PTPRD: variants seen among roughly 807,000 people sequenced by gnomAD.
PTPRD encodes the protein receptor-type tyrosine-protein phosphatase delta.
In PTPRD, 34 loss-of-function variants were observed where a neutral mutation model predicts 214.5. That is an observed-to-expected ratio of 0.16 (90% CI 0.12 to 0.21). The LOEUF is 0.21. Ranked by LOEUF, PTPRD falls within the 10% of genes least tolerant of loss-of-function variation. The pLI, the probability that PTPRD is intolerant of heterozygous loss-of-function variation, is 1.00. For synonymous variants in PTPRD, 1,128 were observed against 845.7 expected (o/e 1.33, Z -5.79); for missense variants, 2,545 against 2,398.7 (o/e 1.06, Z -1.27).
intron 7 of PTPRD, among the ~76,000 whole-genome samples, chr9:9,592,665 A>AT (rs888829720): frequency 2.0e-4 from 30 of 151,890 alleles, no homozygotes; most frequent in Non-Finnish European, 1.8e-4. Context: ...TCTACAGTGG[A>AT]TTTTTTCCCC....
At chr9:9,297,444 A>C (rs1000330119) in intron 9 of PTPRD, among the ~76,000 whole-genome samples, 3 of 151,548 alleles carry the variant, frequency 2.0e-5, no homozygotes, top group African/African-American at 7.3e-5. Context: ...GATGAGTTTA[A>C]AACATTGAAA....
At chr9:9,714,643 A>G (rs2097787796) in intron 7 of PTPRD, among the ~76,000 whole-genome samples, 2 of 152,210 alleles carry the variant, frequency 1.3e-5, no homozygotes, top group Non-Finnish European at 2.9e-5. Context: ...AATAAATAAA[A>G]AACATTCTAA....
intron 5 of PTPRD, among the ~76,000 whole-genome samples, chr9:9,863,718 G>C (rs148474640): frequency 7.6e-4 from 116 of 152,066 alleles, no homozygotes; most frequent in African/African-American, 2.8e-3. Context: ...GAGATGAAAA[G>C]AGACATAAGA....
chr9:10,535,230 T>C (rs985270572), intron 2 of PTPRD, among the ~76,000 whole-genome samples: 1 of 152,208 alleles, frequency 6.6e-6, no homozygotes, highest in Non-Finnish European at 1.5e-5. Context: ...TGTTGAATAC[T>C]GGATTTCAGT....
chr9:8,874,209 G>T (rs772136572), intron 11 of PTPRD, among the ~76,000 whole-genome samples: 3 of 152,172 alleles, frequency 2.0e-5, no homozygotes, highest in Non-Finnish European at 4.4e-5. Context: ...CCATGGTTCA[G>T]TGACTTGCCC....
intron 10 of PTPRD, among the ~76,000 whole-genome samples, chr9:9,148,721 A>G (rs2099872814): frequency 6.6e-6 from 1 of 152,214 alleles, no homozygotes. Flanking sequence ...AAACCCTTTA[A>G]TGGCTTTTAA....
chr9:9,306,892 T>A (rs899215099), intron 9 of PTPRD, among the ~76,000 whole-genome samples: 12 of 152,174 alleles, frequency 7.9e-5, no homozygotes, highest in African/African-American at 2.7e-4. Flanking sequence ...GCATGTACAT[T>A]TGAATATCTC....
chr9:8,695,657 A>G (rs915571509), intron 12 of PTPRD, among the ~76,000 whole-genome samples: 2 of 152,206 alleles, frequency 1.3e-5, no homozygotes, highest in Non-Finnish European at 2.9e-5. Flanking sequence ...TCATCTATAT[A>G]TCAAAGCTAC....
chr9:8,990,002 A>G (rs545246563), intron 11 of PTPRD, among the ~76,000 whole-genome samples: 46 of 152,318 alleles, frequency 3.0e-4, no homozygotes, highest in South Asian at 6.2e-4. Flanking sequence ...CTATCATAAA[A>G]CCATAATAAT....
At chr9:9,858,154 T>C (rs1452126579) in intron 5 of PTPRD, among the ~76,000 whole-genome samples, 1 of 152,176 alleles carries the variant, frequency 6.6e-6, no homozygotes, top group Non-Finnish European at 1.5e-5. Flanking sequence ...ATTATAAAAA[T>C]ACATTTTAGT....
chr9:10,468,490 G>C (rs2099009158), intron 2 of PTPRD, among the ~76,000 whole-genome samples: 1 of 152,110 alleles, frequency 6.6e-6, no homozygotes, highest in South Asian at 2.1e-4. Context: ...TCACACACGG[G>C]CCTGTTGGGC....
At chr9:9,275,129 T>TATTTATA (rs1944784745) in intron 9 of PTPRD, among the ~76,000 whole-genome samples, 1 of 46,408 alleles carries the variant, frequency 2.2e-5, no homozygotes, top group Non-Finnish European at 3.8e-5. Context: ...TTATATATAT[T>TATTTATA]ATATATAATA....
chr9:9,280,426 T>G (rs1038065043), intron 9 of PTPRD, among the ~76,000 whole-genome samples: 3 of 151,304 alleles, frequency 2.0e-5, no homozygotes, highest in Non-Finnish European at 4.4e-5. Flanking sequence ...AAGTGATTAT[T>G]GAAAGGTTGC....
At chr9:8,956,945 C>T (rs1184256588) in intron 11 of PTPRD, among the ~76,000 whole-genome samples, 1 of 151,806 alleles carries the variant, frequency 6.6e-6, no homozygotes, top group Non-Finnish European at 1.5e-5. Flanking sequence ...TAATGTGAAG[C>T]CAGGCTTGGG....
chr9:10,432,346 T>A (rs1172569425), intron 2 of PTPRD, among the ~76,000 whole-genome samples: 1 of 149,914 alleles, frequency 6.7e-6, no homozygotes, highest in Admixed American at 6.6e-5. Flanking sequence ...AGATGACGAT[T>A]TAGTGGGTGC....
chr9:9,996,311 G>C (rs1324630685), intron 4 of PTPRD, among the ~76,000 whole-genome samples: 2 of 152,006 alleles, frequency 1.3e-5, no homozygotes, highest in African/African-American at 2.4e-5. Context: ...CCTCTCAGAA[G>C]ACAAAATAGT....
chr9:10,599,615 T>A (rs2077474102), intron 2 of PTPRD, among the ~76,000 whole-genome samples: 1 of 151,760 alleles, frequency 6.6e-6, no homozygotes, highest in South Asian at 2.1e-4. Flanking sequence ...CCAGGACAAA[T>A]ATTGCAACAT....
chr9:10,582,594 G>T (rs1194668030), intron 2 of PTPRD, among the ~76,000 whole-genome samples: 1 of 152,158 alleles, frequency 6.6e-6, no homozygotes, highest in East Asian at 1.9e-4. Flanking sequence ...GGGATGACTA[G>T]CCATCTAACC....
Position 8,632,794 on chromosome 9 carries a change from G to T in PTPRD, c.352+523C>A, listed in dbSNP as rs117015946. 1.8e-3 allele frequency among the ~76,000 whole-genome samples: 278 copies of T among 151,990 alleles called. 4 individuals are homozygous for T. The East Asian group carries it at 0.026, about 14-fold the overall frequency. The stretch of plus-strand genomic sequence containing the variant: ...CCAGTTATTTAGATCAATACATATT[G>T]GTTTAAGAAAGATAACAGACAAATA... On this transcript the variant is annotated intron_variant, in intron 14 of 45. Transcript: ENST00000381196.
Sources: gnomAD v4.1 joint callset for allele counts (sites outside exome capture counted in the v4.1 genomes callset) on GRCh38, gnomAD v4.1.1 for gene constraint, MANE v1.5 for transcripts, NCBI Gene and HGNC (gene_info 2026-07-23, HGNC 2026-07-21) for gene names.